The following LPA variants were observed in gnomAD, a reference collection of about 807,000 sequenced individuals.
The protein encoded by LPA is apolipoprotein(a).
A neutral mutation model predicts 197.9 loss-of-function variants in LPA; 199 were observed. The observed-to-expected ratio is 1.01, with a 90% CI of 0.90 to 1.13. The LOEUF (loss-of-function observed/expected upper bound fraction) is 1.13. LPA is among the 50% of genes most tolerant of loss of function. The pLI is 0.00. For missense variants in LPA, 1,853 were observed against 1,785.8 expected, an observed-to-expected ratio of 1.04 and a Z score of -0.68; for synonymous variants, 715 against 639.5, an observed-to-expected ratio of 1.12 and a Z score of -1.78.
intron 1 of LPA, among the ~76,000 whole-genome samples, chr6:160,656,410 T>C (rs893505222): frequency 1.2e-4 from 18 of 152,208 alleles, no homozygotes; most frequent in Non-Finnish European, 7.3e-5. Context: ...TTATGCATTT[T>C]GGCACTGGGA....
At chr6:160,577,320 TACTC>T in intron 27 of LPA, 25 bp from the exon 28 acceptor site, 1 of 1,608,970 alleles carries the variant, frequency 6.2e-7, no homozygotes, top group African/African-American at 1.3e-5. Flanking sequence ...AAATAAATCA[TACTC>T]AGTAATTGCA....
At chr6:160,548,318 A>G (rs1778108326) in intron 31 of LPA, among the ~76,000 whole-genome samples, 160 bp downstream of exon 31, 1 of 152,204 alleles carries the variant, frequency 6.6e-6, no homozygotes, top group Non-Finnish European at 1.5e-5. Context: ...CAGGGACGGC[A>G]CTGAGACTTC....
At chr6:160,589,742 A>G in intron 23 of LPA, 30 bp from the exon 24 acceptor site, 1 of 1,612,968 alleles carries the variant, frequency 6.2e-7, no homozygotes, top group East Asian at 2.2e-5. Context: ...AAACAAACTG[A>G]GTAATTTCCA....
chr6:160,606,528 C>T lies in LPA; in HGVS notation c.2734G>A (p.Ala912Thr). 4.3e-6 allele frequency: 7 copies of T among 1,613,574 alleles called. No individual in the cohort carries two copies. Among genetic ancestry groups the T allele is most frequent in the Non-Finnish European group, 5.9e-6 (7 of 1,179,938 alleles). ...GGAATCGGGGTAATAGTTGGAGGCG[C>T]GACGGCAGTCCCTTCTGCGTCTGAG... ...QCSDAEGTAVAPPTITPIPSL... is the reference protein window; with the variant it reads ...QCSDAEGTAVTPPTITPIPSL... The change falls in exon 17 of 39, where the codon GCG becomes ACG. Residue 912 changes from alanine (A) to threonine (T), a missense_variant. Around this residue, in one of 3 missense-constraint regions of LPA, gnomAD observed 1,737 missense variants for 1,504.4 expected, o/e 1.15. Transcript: ENST00000316300.
chr6:160,593,247 C>T (rs1049586867), intron 22 of LPA, among the ~76,000 whole-genome samples: 1 of 152,166 alleles, frequency 6.6e-6, no homozygotes, highest in Admixed American at 6.5e-5. Flanking sequence ...TAAGGTTGAT[C>T]TCCTTTGATT....
At chr6:160,540,838 G>A (rs938929931) in intron 35 of LPA, among the ~76,000 whole-genome samples, 2 of 152,110 alleles carry the variant, frequency 1.3e-5, no homozygotes, top group Admixed American at 6.6e-5. Flanking sequence ...TCTGTCCTGC[G>A]GTTTATACAG....
chr6:160,603,331 C>T (rs1049426158), intron 18 of LPA, among the ~76,000 whole-genome samples: 1 of 151,224 alleles, frequency 6.6e-6, no homozygotes, highest in Non-Finnish European at 1.5e-5. Flanking sequence ...GTATGTGTAG[C>T]TGGTTCTGTA....
intron 36 of LPA, among the ~76,000 whole-genome samples, chr6:160,538,918 T>C (rs966394779): frequency 6.6e-6 from 1 of 152,146 alleles, no homozygotes; most frequent in South Asian, 2.1e-4. Flanking sequence ...CTGAGGACCA[T>C]GAGGAGCAGA....
chr6:160,664,110 T>G, intron 1 of LPA, 56 bp downstream of exon 1: 1 of 1,459,174 alleles, frequency 6.9e-7, no homozygotes. Context: ...ATATGTATTT[T>G]TACTACATTG....
At chr6:160,648,513 A>T (rs1198399844) in intron 2 of LPA, among the ~76,000 whole-genome samples, 1 of 151,372 alleles carries the variant, frequency 6.6e-6, no homozygotes, top group South Asian at 2.1e-4. Flanking sequence ...GTTTTCCTTT[A>T]TGTCTGTGTG....
chr6:160,599,377 A>G (rs1779193903), intron 20 of LPA, 123 bp downstream of exon 20: 1 of 1,434,458 alleles, frequency 7.0e-7, no homozygotes, highest in South Asian at 1.2e-5. Context: ...ACTTTTGCTC[A>G]CAGGAAATGT....
At chr6:160,589,852 T>G (rs1390573924) in intron 23 of LPA, 140 bp from the exon 24 acceptor site, 5 of 936,088 alleles carry the variant, frequency 5.3e-6, no homozygotes, top group Non-Finnish European at 6.8e-6. Flanking sequence ...CAGATGGACA[T>G]GCCAATAACA....
chr6:160,655,034 C>T (rs981008431), intron 1 of LPA, among the ~76,000 whole-genome samples: 2 of 152,130 alleles, frequency 1.3e-5, no homozygotes, highest in Middle Eastern at 3.2e-3. Flanking sequence ...CTTACTTGTG[C>T]CTTCAGGACC....
Position 160,611,573 on chromosome 6 carries a change from G to A in LPA, c.2592C>T (p.Tyr864=). ...TPHSHSRTPE[Y]YPNAGLIMNY... is the part of the protein sequence containing the mutation. ...GAACAAAGACATACGCATTTGGGTA[G>A]TATTCTGGGGTCCGACTATGCGAGT... The change falls in exon 16 of 39, where the codon TAC becomes TAT. Residue 864 remains tyrosine (Y), a synonymous_variant. Transcript: ENST00000316300. 1 of 1,605,922 alleles carries A rather than the reference G, an allele frequency of 6.2e-7. No individual in the cohort carries two copies. The highest frequency in any genetic ancestry group is 8.5e-7 in the Non-Finnish European group (1 of 1,179,052).
At chr6:160,542,108 T>C (rs1287176046) in intron 34 of LPA, among the ~76,000 whole-genome samples, 2 of 152,182 alleles carry the variant, frequency 1.3e-5, no homozygotes, top group African/African-American at 4.8e-5. Context: ...AACTTACGAA[T>C]TGCATGTTCC....
chr6:160,646,212 ACCTTGT>A lies in LPA; in HGVS notation c.387_391+1del, dbSNP rs1562350939. ...GTAGATGTCTGGCCACAGACTCCTT[ACCTTGT>A]TCGGAAGGAGCCTCTAGGCTTGGAA... On this transcript the variant is annotated splice_donor_variant and coding_sequence_variant, in exon 3 of 39. Transcript: ENST00000316300. LOFTEE classifies it high-confidence loss of function. 5.1e-4 allele frequency: 4 copies of A among 7,806 alleles called. No homozygotes were observed. Among genetic ancestry groups the A allele is most frequent in the South Asian group, 2.4e-3 (3 of 1,258 alleles). 0.5% of individuals were successfully genotyped at this position (7,806 alleles called of 1,614,324 possible). A position where few individuals can be genotyped will look rare whatever the true frequency, so the allele number is the denominator to read the frequency against.
rs185961009 is a variant in LPA at position 160,562,954 on chromosome 6, C to T, written c.4632-5383G>A. On this transcript the variant is annotated intron_variant, in intron 28 of 38. Transcript: ENST00000316300. ...TTTATTGTGTCTATTTGATTCTTCT[C>T]TATTTTCTTCTTTATTAGTCTGGCT... Among the ~76,000 whole-genome samples, 618 of 152,208 alleles carry T rather than the reference C, an allele frequency of 4.1e-3. 1 individual carries two copies. The highest frequency in any genetic ancestry group is 7.1e-3 in the Non-Finnish European group (485 of 68,008).
In LPA at chr6:160,540,056, G is replaced by A. The variant is rs778430208; in HGVS notation, c.5722C>T (p.Leu1908=). Residue 1908 remains leucine (L), a synonymous_variant, in exon 36 of 39, where the codon CTA becomes TTA. Coordinates refer to ENST00000316300, the MANE Select transcript of LPA (RefSeq NM_005577.4). ...LEPTQADIAL[L]KLSRPAVITD... ...GTGAGCGAGTACCTGCTTAGCTTTA[G>A]CAAGGCAATATCTGCTTGTGTGGGC... The A allele has an allele frequency of 3.7e-6, 6 of 1,613,996 alleles. No individual in the cohort carries two copies. In the South Asian group the frequency reaches 5.5e-5, roughly 15 times the overall value.
intron 26 of LPA, among the ~76,000 whole-genome samples, chr6:160,584,216 TTCTTCTTCTTCTTCTTCTTCTTCC>T (rs1435639221): frequency 0.023 from 2,861 of 122,408 alleles, 65 homozygotes; most frequent in East Asian, 0.09. Context: ...CTTCTTCTTC[TTCTTCTTCTTCTTCTTCTTCTTCC>T]TCCTCCTCCT....
Sources: gnomAD v4.1 joint callset for allele counts (sites outside exome capture counted in the v4.1 genomes callset) on GRCh38, gnomAD v4.1.1 for gene constraint, gnomAD v4.1.1 regional missense constraint, MANE v1.5 for transcripts, NCBI Gene and HGNC (gene_info 2026-07-23, HGNC 2026-07-21) for gene names.